Variants in RAD17 observed in about 807,000 individuals in gnomAD.
RAD17 encodes RAD17 checkpoint clamp loader component.
In RAD17, 31 loss-of-function variants were observed where a neutral mutation model predicts 81.5. The ratio of observed to expected loss-of-function variants is 0.38; its 90% CI spans 0.29 to 0.51. The LOEUF (loss-of-function observed/expected upper bound fraction) is 0.51, where lower values mean the gene tolerates loss of function less well. Ranked by LOEUF, RAD17 falls within the 20% of genes least tolerant of loss-of-function variation. The probability of loss-of-function intolerance (pLI) is 0.88; values close to 1 mark genes in which losing one functional copy is unlikely to be tolerated. For missense variants in RAD17, 681 were observed against 781.2 expected, an observed-to-expected ratio of 0.87 and a Z score of 1.53; for synonymous variants, 261 against 266.2, an observed-to-expected ratio of 0.98 and a Z score of 0.19.
upstream of RAD17, chr5:69,369,773 C>T (rs1762802931): frequency 1.4e-6 from 2 of 1,454,210 alleles, no homozygotes; most frequent in African/African-American, 1.4e-5. Flanking sequence ...CGGTGGTCCC[C>T]GCCCTTCGCT....
chr5:69,411,968 T>C (rs1182127831), intron 18 of RAD17, among the ~76,000 whole-genome samples: 4 of 152,234 alleles, frequency 2.6e-5, no homozygotes, highest in Non-Finnish European at 5.9e-5. Context: ...CTTTTCTTTT[T>C]TTTTTGTAGA....
intron 8 of RAD17, among the ~76,000 whole-genome samples, chr5:69,385,405 G>A (rs185448447): frequency 1.2e-3 from 186 of 151,736 alleles, no homozygotes; most frequent in African/African-American, 4.4e-3. Context: ...CGAGTAGTGG[G>A]GATTACAGGA....
chr5:69,398,109 T>G (rs1765015512), intron 16 of RAD17, among the ~76,000 whole-genome samples: 1 of 150,284 alleles, frequency 6.7e-6, no homozygotes, highest in Admixed American at 6.6e-5. Flanking sequence ...AGAGCGAGAC[T>G]CCATCTAAAA....
In RAD17 at chr5:69,393,377, G is replaced by C. The variant is rs1327529749; in HGVS notation, c.1299G>C (p.Met433Ile). The C allele has an allele frequency of 1.3e-6, 2 of 1,598,538 alleles. No individual in the cohort carries two copies. Among genetic ancestry groups the C allele is most frequent in the South Asian group, 1.1e-5 (1 of 89,036 alleles). Residue 433 changes from methionine (M) to isoleucine (I), a missense_variant, in exon 15 of 19, where the codon ATG becomes ATC. Met to Ile is a conservative substitution (Grantham distance 10, BLOSUM62 1). Transcript: ENST00000354868. ...AGGAGGTAGTAGAAATGTCACACAT[G>C]CCTGGAGACTTATTTAATTTATATC... The part of the protein sequence containing the change: ...EPEEVVEMSH[M>I]PGDLFNLYLH...
At chr5:69,376,250 A>G (rs538363290) in intron 6 of RAD17, among the ~76,000 whole-genome samples, 1 of 152,326 alleles carries the variant, frequency 6.6e-6, no homozygotes, top group South Asian at 2.1e-4. Context: ...CCAGTTCTCC[A>G]TCAGTCGTCC....
Position 69,401,589 on chromosome 5 carries a change from A to G in RAD17, c.1693+1420A>G, listed in dbSNP as rs568178087. On this transcript the variant is annotated intron_variant, in intron 17 of 18. Coordinates refer to ENST00000354868, the MANE Select transcript of RAD17 (RefSeq NM_133338.3). Reference sequence around the variant, plus strand: ...CATCTGCACAAGTTTTGAAAATGTTATGCATTCATAGGCAAAAATGGGATA... The same window carrying G: ...CATCTGCACAAGTTTTGAAAATGTTGTGCATTCATAGGCAAAAATGGGATA... Among the ~76,000 whole-genome samples, 52 of 152,300 alleles carry G rather than the reference A, an allele frequency of 3.4e-4. 1 individual carries two copies. Among genetic ancestry groups the G allele is most frequent in the South Asian group, 1.0e-3 (5 of 4,830 alleles).
intron 17 of RAD17, 146 bp from the exon 18 acceptor site, chr5:69,410,347 T>C (rs1765889399): frequency 3.3e-6 from 2 of 602,072 alleles, no homozygotes; most frequent in South Asian, 2.0e-5. Context: ...ACAGTCATCC[T>C]AATAGATGTG....
intron 18 of RAD17, among the ~76,000 whole-genome samples, chr5:69,412,029 T>C (rs1037019839): frequency 6.6e-6 from 1 of 152,144 alleles, no homozygotes; most frequent in African/African-American, 2.4e-5. Context: ...CGATCTCGGC[T>C]CACTGCAAGC....
At chr5:69,390,783 C>T (rs570880338) in intron 12 of RAD17, among the ~76,000 whole-genome samples, 23 of 144,450 alleles carry the variant, frequency 1.6e-4, no homozygotes, top group Non-Finnish European at 3.5e-4. Flanking sequence ...AGCGAGGCCT[C>T]GTCTCTAATT....
intron 6 of RAD17, among the ~76,000 whole-genome samples, chr5:69,377,486 CATAT>C (rs371226581): frequency 5.2e-4 from 35 of 67,176 alleles, no homozygotes; most frequent in Admixed American, 2.0e-4. Flanking sequence ...CACACACACA[CATAT>C]ATATACGTAT....
chr5:69,375,898 T>C (rs891949989), intron 6 of RAD17, among the ~76,000 whole-genome samples: 7 of 152,120 alleles, frequency 4.6e-5, no homozygotes, highest in Non-Finnish European at 8.8e-5. Context: ...CACTGACTTA[T>C]GAAGGAGACC....
intron 12 of RAD17, 113 bp downstream of exon 12, chr5:69,389,258 T>C: frequency 1.9e-6 from 1 of 519,554 alleles, no homozygotes; most frequent in Non-Finnish European, 3.2e-6. Context: ...TATTTATCCT[T>C]CTTTATTACT....
intron 6 of RAD17, among the ~76,000 whole-genome samples, chr5:69,377,696 C>CAT (rs1450968970): frequency 1.5e-5 from 1 of 67,244 alleles, no homozygotes; most frequent in Non-Finnish European, 2.7e-5. Context: ...TATATGTATA[C>CAT]ATATATATAT....
At chr5:69,369,660 G>A (rs1461667564), upstream of RAD17, 2 of 1,559,160 alleles carry the variant, frequency 1.3e-6, no homozygotes, top group Non-Finnish European at 1.7e-6. Context: ...TGGTTACCTG[G>A]CTTTCGATGA....
intron 3 of RAD17, among the ~76,000 whole-genome samples, chr5:69,371,763 C>T (rs1275396519): frequency 6.6e-6 from 1 of 151,804 alleles, no homozygotes; most frequent in African/African-American, 2.4e-5. Flanking sequence ...TTTTACAGTC[C>T]CAGTCACAAA....
At chr5:69,410,965 C>CCATATATATATATATATATATATATA in intron 18 of RAD17, among the ~76,000 whole-genome samples, 1 of 90,250 alleles carries the variant, frequency 1.1e-5, no homozygotes, top group South Asian at 3.9e-4. Flanking sequence ...AGATGTCTGT[C>CCATATATATATATATATATATATATA]TATATATATA....
At chr5:69,369,601 GC>G, upstream of RAD17, 1 of 1,585,330 alleles carries the variant, frequency 6.3e-7, no homozygotes, top group Non-Finnish European at 8.6e-7. Flanking sequence ...AGGCCCCGAA[GC>G]CCACCGCGGC....
At chr5:69,369,677 T>C (rs1346669209), upstream of RAD17, 19 of 1,555,778 alleles carry the variant, frequency 1.2e-5, no homozygotes, top group Non-Finnish European at 1.7e-5. Flanking sequence ...ATGACACATT[T>C]CCGTCGCAAA....
chr5:69,374,361 C>T (rs547056080), intron 5 of RAD17, among the ~76,000 whole-genome samples: 2 of 152,252 alleles, frequency 1.3e-5, no homozygotes, highest in South Asian at 4.1e-4. Flanking sequence ...CTCCTCTCTA[C>T]TGTCTTCTCA....
Sources: gnomAD v4.1 joint callset for allele counts (sites outside exome capture counted in the v4.1 genomes callset) on GRCh38, gnomAD v4.1.1 for gene constraint, MANE v1.5 for transcripts, NCBI Gene and HGNC (gene_info 2026-07-23, HGNC 2026-07-21) for gene names.